The following ADGRB3 variants were observed in gnomAD, a reference collection of about 807,000 sequenced individuals.
The protein encoded by ADGRB3 is adhesion G protein-coupled receptor B3.
In ADGRB3, 37 loss-of-function variants were observed where a neutral mutation model predicts 193.4. That is an observed-to-expected ratio of 0.19 (90% confidence interval 0.15 to 0.25). The LOEUF is 0.25. Among genes scored for constraint, ADGRB3 ranks in the 10% least tolerant of loss-of-function variants. The pLI is 1.00. For missense variants in ADGRB3, 1,637 were observed against 1,852.9 expected (o/e 0.88, Z 2.14); for synonymous variants, 690 against 644.2 (o/e 1.07, Z -1.08).
At chr6:69,371,579 G>A (rs1321605560) in intron 29 of ADGRB3, among the ~76,000 whole-genome samples, 1 of 152,038 alleles carries the variant, frequency 6.6e-6, no homozygotes, top group Non-Finnish European at 1.5e-5. Flanking sequence ...TAAAAAATCT[G>A]TACTAAAAGT....
chr6:69,382,546 G>T (rs1271225418), intron 30 of ADGRB3, among the ~76,000 whole-genome samples: 1 of 151,820 alleles, frequency 6.6e-6, no homozygotes, highest in Non-Finnish European at 1.5e-5. Context: ...TTTGAATAAT[G>T]AAAATCTTAC....
chr6:68,774,870 A>G (rs1339599946), intron 3 of ADGRB3, among the ~76,000 whole-genome samples: 1 of 152,116 alleles, frequency 6.6e-6, no homozygotes, highest in Non-Finnish European at 1.5e-5. Context: ...AAAAATACTC[A>G]GGATTCAACA....
intron 3 of ADGRB3, among the ~76,000 whole-genome samples, chr6:68,839,060 CCT>C (rs10591016): frequency 0.14 from 20,272 of 148,284 alleles, 1,801 homozygotes; most frequent in Non-Finnish European, 0.2. Context: ...TCTCTTCCTT[CCT>C]CTCTCTCTGT....
intron 8 of ADGRB3, among the ~76,000 whole-genome samples, chr6:68,959,490 T>C (rs1460672974): frequency 3.9e-5 from 6 of 152,164 alleles, no homozygotes; most frequent in Admixed American, 1.3e-4. Flanking sequence ...CAAAACAAAT[T>C]AATCAAGTTT....
intron 3 of ADGRB3, among the ~76,000 whole-genome samples, chr6:68,922,474 A>G (rs1767070518): frequency 6.6e-6 from 1 of 152,204 alleles, no homozygotes; most frequent in Non-Finnish European, 1.5e-5. Flanking sequence ...GAGGAAACGA[A>G]ACAACTCTTA....
intron 3 of ADGRB3, among the ~76,000 whole-genome samples, chr6:68,857,271 G>A (rs528658543): frequency 6.6e-6 from 1 of 152,314 alleles, no homozygotes; most frequent in South Asian, 2.1e-4. Context: ...CTGTCCTCCA[G>A]ACCCCTGAAT....
intron 13 of ADGRB3, among the ~76,000 whole-genome samples, chr6:69,027,061 C>T (rs1039778503): frequency 6.6e-5 from 10 of 152,122 alleles, no homozygotes; most frequent in African/African-American, 2.4e-4. Flanking sequence ...CTAACTGCAA[C>T]TCTTTTACTT....
chr6:69,226,214 C>T (rs1766012085), intron 17 of ADGRB3, among the ~76,000 whole-genome samples: 1 of 152,152 alleles, frequency 6.6e-6, no homozygotes, highest in Non-Finnish European at 1.5e-5. Context: ...AGCTCTCGAG[C>T]TCTGAAAAGT....
Position 69,048,201 on chromosome 6 carries a change from G to A in ADGRB3, c.2124G>A (p.Lys708=). 1 of 1,611,694 alleles carries A rather than the reference G, an allele frequency of 6.2e-7. No homozygotes were observed. Among genetic ancestry groups the A allele is most frequent in the South Asian group, 1.1e-5 (1 of 90,408 alleles). ...MTGNVVASIQ[K]LPAASVLTDI... Reference sequence around the variant, plus strand: ...TTTTAATAGTGGCTAGTATTCAGAAGCTTCCTGCAGCCTCTGTTCTAACAG... The same window carrying A: ...TTTTAATAGTGGCTAGTATTCAGAAACTTCCTGCAGCCTCTGTTCTAACAG... The change falls in exon 14 of 32, where the codon AAG becomes AAA. Residue 708 remains lysine, a synonymous_variant. Transcript: ENST00000370598.
intron 29 of ADGRB3, among the ~76,000 whole-genome samples, chr6:69,368,929 T>C (rs958219160): frequency 1.3e-5 from 2 of 151,988 alleles, no homozygotes; most frequent in African/African-American, 4.8e-5. Flanking sequence ...AGCATAGAAA[T>C]TAGGAAGAGG....
chr6:69,243,142 A>G (rs1235720575), intron 20 of ADGRB3, among the ~76,000 whole-genome samples: 3 of 151,918 alleles, frequency 2.0e-5, no homozygotes, highest in Non-Finnish European at 4.4e-5. Flanking sequence ...TTGGTTAGAT[A>G]AGGATAACCA....
At chr6:68,882,386 C>T (rs2150224866) in intron 3 of ADGRB3, among the ~76,000 whole-genome samples, 1 of 152,228 alleles carries the variant, frequency 6.6e-6, no homozygotes, top group East Asian at 1.9e-4. Context: ...TTCTCATTTC[C>T]TGTTGGGAAT....
chr6:68,845,666 T>A (rs1768259382), intron 3 of ADGRB3, among the ~76,000 whole-genome samples: 1 of 152,174 alleles, frequency 6.6e-6, no homozygotes, highest in Non-Finnish European at 1.5e-5. Context: ...TTCTTCCTCA[T>A]CCTTTCTTGC....
intron 29 of ADGRB3, among the ~76,000 whole-genome samples, chr6:69,364,710 C>T (rs992063310): frequency 5.3e-4 from 80 of 151,966 alleles, no homozygotes; most frequent in African/African-American, 1.9e-3. Flanking sequence ...AACAATGGCT[C>T]CAGCCCTAAA....
At chr6:68,777,218 A>C (rs1455756573) in intron 3 of ADGRB3, among the ~76,000 whole-genome samples, 1 of 152,152 alleles carries the variant, frequency 6.6e-6, no homozygotes, top group Admixed American at 6.6e-5. Context: ...CTGAAAGCAC[A>C]GTGATATAAC....
At chr6:69,303,547 C>G (rs543913497) in intron 20 of ADGRB3, among the ~76,000 whole-genome samples, 13 of 152,066 alleles carry the variant, frequency 8.5e-5, no homozygotes, top group South Asian at 2.1e-4. Flanking sequence ...GGTCACCCTT[C>G]CTCTTGCTGG....
chr6:69,170,560 A>G (rs1384384705), intron 17 of ADGRB3, among the ~76,000 whole-genome samples: 1 of 152,212 alleles, frequency 6.6e-6, no homozygotes, highest in Non-Finnish European at 1.5e-5. Context: ...GGTAGAATAC[A>G]AATATACAGA....
intron 30 of ADGRB3, among the ~76,000 whole-genome samples, chr6:69,373,605 A>T (rs1769751119): frequency 6.6e-6 from 1 of 152,138 alleles, no homozygotes; most frequent in Non-Finnish European, 1.5e-5. Flanking sequence ...AAAAGTATCA[A>T]GAATATAAAT....
At chr6:69,086,139 G>A (rs917025239) in intron 17 of ADGRB3, among the ~76,000 whole-genome samples, 2 of 151,914 alleles carry the variant, frequency 1.3e-5, no homozygotes, top group African/African-American at 4.8e-5. Context: ...ATTTTGCAAA[G>A]AATGAAAACT....
Sources: allele counts gnomAD v4.1 joint callset (sites outside exome capture counted in the v4.1 genomes callset), GRCh38; gene constraint gnomAD v4.1.1; transcripts MANE v1.5; gene names NCBI Gene and HGNC (gene_info 2026-07-23, HGNC 2026-07-21).